TAOK1: variants seen among roughly 807,000 people sequenced by gnomAD.
TAOK1 encodes the protein serine/threonine-protein kinase TAO1.
TAOK1 carries 21 observed loss-of-function variants against 138.3 expected under a neutral mutation model. That is an observed-to-expected ratio of 0.15 (90% CI 0.11 to 0.22). The LOEUF (loss-of-function observed/expected upper bound fraction) is 0.22. Among genes scored for constraint, TAOK1 ranks in the 10% least tolerant of loss-of-function variants. The pLI is 1.00. For missense variants in TAOK1, 651 were observed against 1,227.7 expected, an observed-to-expected ratio of 0.53 and a Z score of 7.02; for synonymous variants, 361 against 398.4, an observed-to-expected ratio of 0.91 and a Z score of 1.12.
intron 1 of TAOK1, among the ~76,000 whole-genome samples, chr17:29,409,466 C>T (rs969420578): frequency 6.6e-6 from 1 of 151,188 alleles, no homozygotes; most frequent in Non-Finnish European, 1.5e-5. Flanking sequence ...TCTCGAGTAG[C>T]TGGGACTACA....
intron 1 of TAOK1, among the ~76,000 whole-genome samples, chr17:29,409,367 C>T (rs1474128706): frequency 1.6e-5 from 2 of 125,556 alleles, no homozygotes; most frequent in Non-Finnish European, 3.1e-5. Flanking sequence ...TGGAGTCTCA[C>T]TCTGTTGCCC....
chr17:29,539,839 C>T (rs1036276006), intron 19 of TAOK1, among the ~76,000 whole-genome samples: 2 of 152,106 alleles, frequency 1.3e-5, no homozygotes, highest in Non-Finnish European at 2.9e-5. Context: ...ACGATCGCGC[C>T]ACTGCACTCC....
chr17:29,429,034 TA>T (rs1257067735), intron 1 of TAOK1, among the ~76,000 whole-genome samples: 2 of 152,110 alleles, frequency 1.3e-5, no homozygotes, highest in Admixed American at 6.6e-5. Context: ...AATTTTTGAT[TA>T]TTTTTTTGTT....
intron 1 of TAOK1, among the ~76,000 whole-genome samples, chr17:29,437,711 T>A (rs1906076569): frequency 6.6e-6 from 1 of 151,086 alleles, no homozygotes; most frequent in Non-Finnish European, 1.5e-5. Context: ...TACTTATGCC[T>A]TTTGAACTGC....
intron 15 of TAOK1, among the ~76,000 whole-genome samples, chr17:29,515,505 T>TA (rs2031797987): frequency 6.6e-6 from 1 of 152,156 alleles, no homozygotes; most frequent in Admixed American, 6.6e-5. Flanking sequence ...CTGGTGTACA[T>TA]ATCTCTCTTT....
At chr17:29,440,109 C>T (rs2029895446) in intron 1 of TAOK1, among the ~76,000 whole-genome samples, 1 of 152,106 alleles carries the variant, frequency 6.6e-6, no homozygotes, top group African/African-American at 2.4e-5. Context: ...AAAATTCCTG[C>T]TTCACCCTGT....
intron 2 of TAOK1, among the ~76,000 whole-genome samples, chr17:29,466,238 G>A (rs538309643): frequency 1.7e-4 from 26 of 152,268 alleles, no homozygotes; most frequent in African/African-American, 6.3e-4. Context: ...CCGACTCCCA[G>A]TTTCAAGCGA....
chr17:29,537,048 A>G (rs190088030), intron 19 of TAOK1, among the ~76,000 whole-genome samples: 1 of 152,260 alleles, frequency 6.6e-6, no homozygotes, highest in East Asian at 1.9e-4. Context: ...GTTCTCTCTT[A>G]GGATTCAGTA....
At chr17:29,440,555 T>C (rs936247330) in intron 1 of TAOK1, among the ~76,000 whole-genome samples, 67 of 152,184 alleles carry the variant, frequency 4.4e-4, no homozygotes, top group African/African-American at 1.6e-3. Flanking sequence ...TAAATAATTC[T>C]TAATGGTTAT....
chr17:29,516,609 T>C (rs1411152036), intron 15 of TAOK1, among the ~76,000 whole-genome samples: 1 of 151,502 alleles, frequency 6.6e-6, no homozygotes, highest in Non-Finnish European at 1.5e-5. Flanking sequence ...TTCAAGCGAT[T>C]CTCTGCCTCA....
At chr17:29,528,839 C>CAAAAAAAAA (rs58073512) in intron 17 of TAOK1, among the ~76,000 whole-genome samples, 2 of 69,402 alleles carry the variant, frequency 2.9e-5, no homozygotes, top group African/African-American at 5.8e-5. Flanking sequence ...GACTCCGTCT[C>CAAAAAAAAA]AAAAAAAAAA....
chr17:29,483,779 A>T (rs480642), intron 8 of TAOK1, among the ~76,000 whole-genome samples: 55,925 of 152,094 alleles, frequency 0.37, 11,752 homozygotes, highest in Non-Finnish European at 0.48. Context: ...GAAGTTTGCA[A>T]AACTGTTTCT....
intron 18 of TAOK1, among the ~76,000 whole-genome samples, chr17:29,530,964 T>TTTTTTTTTTTTTTTA: frequency 8.7e-6 from 1 of 114,468 alleles, no homozygotes; most frequent in Non-Finnish European, 1.7e-5. Flanking sequence ...AAGTACAAAT[T>TTTTTTTTTTTTTTTA]TTTTTTTTTT....
chr17:29,419,928 C>T (rs1214115558), intron 1 of TAOK1, among the ~76,000 whole-genome samples: 3 of 151,940 alleles, frequency 2.0e-5, no homozygotes, highest in African/African-American at 4.8e-5. Context: ...TGCCCAAGCT[C>T]GAGTGCAGTG....
intron 4 of TAOK1, 52 bp from the exon 5 acceptor site, chr17:29,477,609 A>G (rs2030974137): frequency 1.9e-6 from 2 of 1,041,976 alleles, no homozygotes; most frequent in Admixed American, 4.1e-5. Context: ...TTAAATTTAT[A>G]TTAAATCTTT....
Position 29,508,009 on chromosome 17 carries a change from G to A in TAOK1, c.1452G>A (p.Lys484=). The change falls in exon 14 of 20, where the codon AAG becomes AAA. Residue 484 remains lysine, a synonymous_variant. Coordinates refer to ENST00000261716, the MANE Select transcript of TAOK1 (RefSeq NM_020791.4). ...HQKQLMTLEN[K]LKAEMDEHRL... is the part of the protein sequence containing the mutation. ...AGCAACTGATGACTCTGGAAAACAA[G>A]CTAAAGGCTGAGATGGATGAACATC... The A allele has an allele frequency of 6.2e-7, 1 of 1,614,098 alleles. No homozygotes were observed.
At chr17:29,539,608 G>A (rs564750097) in intron 19 of TAOK1, among the ~76,000 whole-genome samples, 4 of 152,192 alleles carry the variant, frequency 2.6e-5, no homozygotes, top group Non-Finnish European at 4.4e-5. Flanking sequence ...GGCTAATCAT[G>A]TATTTTTACT....
At chr17:29,422,935 G>A (rs1905499973) in intron 1 of TAOK1, among the ~76,000 whole-genome samples, 1 of 152,164 alleles carries the variant, frequency 6.6e-6, no homozygotes, top group Non-Finnish European at 1.5e-5. Context: ...TGAGGCATGA[G>A]AATCACTTCA....
At chr17:29,486,576 T>C (rs189304818) in intron 8 of TAOK1, among the ~76,000 whole-genome samples, 4 of 151,898 alleles carry the variant, frequency 2.6e-5, no homozygotes, top group Admixed American at 6.6e-5. Flanking sequence ...GAGGCTGCAG[T>C]GAGCCGAGAT....
Sources: allele counts gnomAD v4.1 joint callset (sites outside exome capture counted in the v4.1 genomes callset), GRCh38; gene constraint gnomAD v4.1.1; transcripts MANE v1.5; gene names NCBI Gene and HGNC (gene_info 2026-07-23, HGNC 2026-07-21).